BMP6: variants seen among roughly 807,000 people sequenced by gnomAD.
BMP6 encodes the protein bone morphogenetic protein 6.
Under a neutral mutation model 54.1 loss-of-function variants are expected in BMP6, and 17 were observed. The observed-to-expected ratio is 0.31, with a 90% confidence interval of 0.22 to 0.47. The LOEUF is 0.47. BMP6 is among the 20% of genes least tolerant of loss of function. BMP6 has a pLI of 1.00. For synonymous variants in BMP6, 328 were observed against 291.2 expected, an observed-to-expected ratio of 1.13 and a Z score of -1.28; for missense variants, 720 against 690.4, an observed-to-expected ratio of 1.04 and a Z score of -0.48.
chr6:7,841,061 T>C (rs1041021648), intron 1 of BMP6, among the ~76,000 whole-genome samples: 1 of 152,318 alleles, frequency 6.6e-6, no homozygotes, highest in Middle Eastern at 3.4e-3. Flanking sequence ...ACAGCTAACA[T>C]TGATTGGGTA....
chr6:7,741,898 A>T (rs1478947130), intron 1 of BMP6, among the ~76,000 whole-genome samples: 1 of 152,228 alleles, frequency 6.6e-6, no homozygotes, highest in Non-Finnish European at 1.5e-5. Flanking sequence ...TCCTATTAAA[A>T]TGTTTTATTC....
intron 1 of BMP6, among the ~76,000 whole-genome samples, chr6:7,819,240 G>A (rs1308658259): frequency 4.6e-5 from 7 of 152,162 alleles, no homozygotes; most frequent in Non-Finnish European, 1.0e-4. Flanking sequence ...ATTTGTCCTA[G>A]TCTTACCAGT....
At chr6:7,798,104 G>C (rs1758217255) in intron 1 of BMP6, among the ~76,000 whole-genome samples, 1 of 152,188 alleles carries the variant, frequency 6.6e-6, no homozygotes, top group Admixed American at 6.5e-5. Context: ...TAGTTGACTT[G>C]TTTGGTGGGG....
intron 1 of BMP6, among the ~76,000 whole-genome samples, chr6:7,779,724 C>G (rs1477013291): frequency 1.3e-5 from 2 of 152,154 alleles, no homozygotes; most frequent in Non-Finnish European, 2.9e-5. Flanking sequence ...CTCAGGTGCA[C>G]TATTTCATTT....
At chr6:7,824,815 G>A (rs912729244) in intron 1 of BMP6, among the ~76,000 whole-genome samples, 2 of 152,198 alleles carry the variant, frequency 1.3e-5, no homozygotes, top group African/African-American at 4.8e-5. Flanking sequence ...TGTGGTTAGA[G>A]TCACACTTCA....
At chr6:7,749,698 C>G (rs924420461) in intron 1 of BMP6, among the ~76,000 whole-genome samples, 1 of 152,142 alleles carries the variant, frequency 6.6e-6, no homozygotes, top group African/African-American at 2.4e-5. Context: ...TCAGGCACAG[C>G]CCTGAGTGCA....
At chr6:7,804,147 C>G (rs1203163397) in intron 1 of BMP6, among the ~76,000 whole-genome samples, 1 of 152,180 alleles carries the variant, frequency 6.6e-6, no homozygotes, top group East Asian at 1.9e-4. Context: ...ATGGAAATGT[C>G]TAGAGTGGGA....
At chr6:7,761,143 T>G (rs1433242845) in intron 1 of BMP6, among the ~76,000 whole-genome samples, 2 of 152,274 alleles carry the variant, frequency 1.3e-5, no homozygotes, top group African/African-American at 4.8e-5. Context: ...CTATGTCACA[T>G]TTCTCCAAGA....
chr6:7,846,926 T>C (rs912129055), intron 2 of BMP6, among the ~76,000 whole-genome samples: 7 of 152,190 alleles, frequency 4.6e-5, no homozygotes, highest in Non-Finnish European at 1.0e-4. Flanking sequence ...CAGAAATATA[T>C]TGGGAATATA....
intron 1 of BMP6, among the ~76,000 whole-genome samples, chr6:7,835,748 G>GT (rs879872074): frequency 1.3e-5 from 2 of 152,170 alleles, no homozygotes; most frequent in Non-Finnish European, 2.9e-5. Flanking sequence ...TGACTGAAGT[G>GT]CCTGAGTGTG....
At chr6:7,747,114 T>A (rs1044234179) in intron 1 of BMP6, among the ~76,000 whole-genome samples, 7 of 152,194 alleles carry the variant, frequency 4.6e-5, no homozygotes, top group African/African-American at 1.7e-4. Context: ...TTACCTCGGT[T>A]CACAAAAACA....
At chr6:7,813,527 C>T (rs539807651) in intron 1 of BMP6, among the ~76,000 whole-genome samples, 1 of 145,056 alleles carries the variant, frequency 6.9e-6, no homozygotes, top group Admixed American at 6.9e-5. Flanking sequence ...CCTGTAGTCT[C>T]AGCTACTAGG....
intron 1 of BMP6, among the ~76,000 whole-genome samples, chr6:7,784,440 T>G (rs1189053175): frequency 6.6e-6 from 1 of 152,020 alleles, no homozygotes; most frequent in Non-Finnish European, 1.5e-5. Context: ...GGCGTCTGAG[T>G]GTGTGTAGGC....
intron 1 of BMP6, among the ~76,000 whole-genome samples, chr6:7,756,403 G>T (rs539983216): frequency 6.6e-6 from 1 of 151,890 alleles, no homozygotes; most frequent in African/African-American, 2.4e-5. Flanking sequence ...TTGTATTCTT[G>T]AGCATATATT....
chr6:7,785,436 A>C (rs1437953207), intron 1 of BMP6, among the ~76,000 whole-genome samples: 3 of 152,230 alleles, frequency 2.0e-5, no homozygotes, highest in Non-Finnish European at 4.4e-5. Context: ...CAGACACAGT[A>C]AGATTGGTTG....
chr6:7,727,648 G>C (rs748041920), intron 1 of BMP6, 29 bp downstream of exon 1: 15 of 1,497,174 alleles, frequency 1.0e-5, no homozygotes, highest in Non-Finnish European at 1.3e-5. Flanking sequence ...GTAATGACGA[G>C]AACATTTCCC....
At chr6:7,758,610 T>C (rs1233159611) in intron 1 of BMP6, among the ~76,000 whole-genome samples, 1 of 152,218 alleles carries the variant, frequency 6.6e-6, no homozygotes, top group Non-Finnish European at 1.5e-5. Flanking sequence ...TTGACTTCTT[T>C]TGAATAGCTG....
At chr6:7,733,202 G>A (rs978859821) in intron 1 of BMP6, among the ~76,000 whole-genome samples, 9 of 152,096 alleles carry the variant, frequency 5.9e-5, no homozygotes, top group Non-Finnish European at 1.2e-4. Context: ...CACTGCGTCC[G>A]GCCAGGAATG....
intron 1 of BMP6, among the ~76,000 whole-genome samples, chr6:7,763,336 T>A (rs1757641713): frequency 6.6e-6 from 1 of 152,168 alleles, no homozygotes; most frequent in African/African-American, 2.4e-5. Context: ...AAATTCTGTG[T>A]TCTTACAGAA....
Sources: gnomAD v4.1 joint callset for allele counts (sites outside exome capture counted in the v4.1 genomes callset) on GRCh38, gnomAD v4.1.1 for gene constraint, MANE v1.5 for transcripts, NCBI Gene and HGNC (gene_info 2026-07-23, HGNC 2026-07-21) for gene names.